CDH2: variants seen among roughly 807,000 people sequenced by gnomAD.
The protein encoded by CDH2 is cadherin-2.
In CDH2, 17 loss-of-function variants were observed where a neutral mutation model predicts 92.0. The observed-to-expected ratio is 0.18, with a 90% CI of 0.13 to 0.28. The LOEUF (loss-of-function observed/expected upper bound fraction) is 0.28. CDH2 is among the 10% of genes least tolerant of loss of function. The pLI, the probability that CDH2 is intolerant of heterozygous loss-of-function variation, is 1.00. For missense variants in CDH2, 862 were observed against 1,133.1 expected (o/e 0.76, Z 3.44); for synonymous variants, 419 against 415.9 (o/e 1.01, Z -0.09).
At chr18:28,104,160 T>C (rs2015282925) in intron 2 of CDH2, among the ~76,000 whole-genome samples, 1 of 152,222 alleles carries the variant, frequency 6.6e-6, no homozygotes, top group Non-Finnish European at 1.5e-5. Flanking sequence ...AAAACAGACT[T>C]ATGATGAAGA....
At chr18:28,003,320 T>C in intron 6 of CDH2, 151 bp from the exon 7 acceptor site, 1 of 562,136 alleles carries the variant, frequency 1.8e-6, no homozygotes, top group Admixed American at 3.4e-5. Context: ...ATGCTACTCA[T>C]AAGAACAGTA....
intron 2 of CDH2, among the ~76,000 whole-genome samples, chr18:28,130,274 T>C (rs1419710750): frequency 6.6e-6 from 1 of 152,100 alleles, no homozygotes; most frequent in African/African-American, 2.4e-5. Flanking sequence ...CAGAAACACT[T>C]CTGAGAGACT....
intron 2 of CDH2, among the ~76,000 whole-genome samples, chr18:28,044,683 T>C (rs1051459780): frequency 6.6e-6 from 1 of 152,068 alleles, no homozygotes. Context: ...ATTTTAACAG[T>C]ATGTTTGGGT....
At chr18:27,999,684 ATGTG>A (rs771361901) in intron 7 of CDH2, among the ~76,000 whole-genome samples, 2 of 149,136 alleles carry the variant, frequency 1.3e-5, no homozygotes, top group African/African-American at 5.0e-5. Flanking sequence ...ACATATATAT[ATGTG>A]TGTGTGTGTA....
intron 2 of CDH2, among the ~76,000 whole-genome samples, chr18:28,129,308 A>T (rs1598494690): frequency 6.6e-6 from 1 of 152,330 alleles, no homozygotes; most frequent in Admixed American, 6.5e-5. Context: ...TAAACTCACA[A>T]AACATAACCA....
At chr18:28,072,253 A>G (rs2144169993) in intron 2 of CDH2, among the ~76,000 whole-genome samples, 1 of 152,098 alleles carries the variant, frequency 6.6e-6, no homozygotes, top group East Asian at 1.9e-4. Context: ...ATATGCCATA[A>G]AAAGCCCTTT....
At chr18:28,017,996 G>A (rs1237250952) in intron 2 of CDH2, among the ~76,000 whole-genome samples, 2 of 152,026 alleles carry the variant, frequency 1.3e-5, no homozygotes, top group Admixed American at 1.3e-4. Flanking sequence ...CTGAAGACAT[G>A]ATTGTACCTA....
At chr18:28,007,643 T>C (rs980574090) in intron 5 of CDH2, among the ~76,000 whole-genome samples, 34 of 152,192 alleles carry the variant, frequency 2.2e-4, no homozygotes, top group African/African-American at 7.7e-4. Context: ...AAAACAATTA[T>C]ACTTATATAT....
chr18:28,172,920 T>A (rs903180998), intron 1 of CDH2, among the ~76,000 whole-genome samples: 4 of 152,246 alleles, frequency 2.6e-5, no homozygotes, highest in African/African-American at 9.6e-5. Flanking sequence ...AAAAATAGGA[T>A]TTAAAGCAAG....
At chr18:28,152,851 T>C (rs1194780605) in intron 1 of CDH2, among the ~76,000 whole-genome samples, 1 of 152,026 alleles carries the variant, frequency 6.6e-6, no homozygotes. Context: ...GGGCAGGGGC[T>C]GCAAGGAATG....
At chr18:28,042,978 A>G (rs1264714236) in intron 2 of CDH2, among the ~76,000 whole-genome samples, 4 of 152,228 alleles carry the variant, frequency 2.6e-5, no homozygotes, top group African/African-American at 9.6e-5. Context: ...TCAGTCAAGA[A>G]GAGATTTGCT....
At chr18:28,075,692 C>T (rs530361830) in intron 2 of CDH2, among the ~76,000 whole-genome samples, 2 of 152,302 alleles carry the variant, frequency 1.3e-5, no homozygotes, top group East Asian at 1.9e-4. Context: ...AGGACATTTG[C>T]TCCCAATGAG....
In CDH2 at chr18:28,177,081, C is replaced by CGGAGGA. The variant is rs914953945; in HGVS notation, c.-65_-60dup. On this transcript the variant is annotated 5_prime_UTR_variant, in exon 1 of 16. Transcript: ENST00000269141. The stretch of plus-strand genomic sequence containing the variant: ...GAGGCGGCGGCGGCGGCGGCGGCGG[C>CGGAGGA]GGAGGAGGAGGAGGCAGCGGCAGCA... 68 of 1,053,168 alleles carry CGGAGGA rather than the reference C, an allele frequency of 6.5e-5. No homozygotes were observed. The African/African-American group carries it at 9.4e-4, about 15-fold the overall frequency. 65.2% of individuals were successfully genotyped at this position (1,053,168 alleles called of 1,614,324 possible). A position where few individuals can be genotyped will look rare whatever the true frequency, so the allele number is the denominator to read the frequency against.
chr18:28,017,436 C>T (rs191623571), intron 2 of CDH2, among the ~76,000 whole-genome samples: 1 of 152,042 alleles, frequency 6.6e-6, no homozygotes, highest in African/African-American at 2.4e-5. Flanking sequence ...ATCTTTTGTA[C>T]TTCTGTGGTA....
intron 15 of CDH2, among the ~76,000 whole-genome samples, chr18:27,953,697 T>TGA (rs2143856799): frequency 6.6e-6 from 1 of 152,202 alleles, no homozygotes; most frequent in Admixed American, 6.5e-5. Flanking sequence ...GATCAGACTG[T>TGA]GAGATGACAC....
At chr18:28,176,311 G>A (rs2016540402) in intron 1 of CDH2, among the ~76,000 whole-genome samples, 1 of 152,190 alleles carries the variant, frequency 6.6e-6, no homozygotes, top group Non-Finnish European at 1.5e-5. Flanking sequence ...CTACAGGCAG[G>A]CGCTGACCGG....
At chr18:28,084,799 T>C (rs951981125) in intron 2 of CDH2, among the ~76,000 whole-genome samples, 5 of 152,156 alleles carry the variant, frequency 3.3e-5, no homozygotes, top group African/African-American at 1.2e-4. Flanking sequence ...AATTGTGCTG[T>C]GCTTCTCCTC....
In CDH2 at chr18:27,952,190, T is replaced by G; in HGVS notation, c.2684A>C (p.Lys895Thr). 6.2e-7 allele frequency: 1 copy of G among 1,613,714 alleles called. No homozygotes were observed. The highest frequency in any genetic ancestry group is 1.1e-5 in the South Asian group (1 of 91,082). The change falls in exon 16 of 16, where the codon AAG becomes ACG. Residue 895 changes from lysine to threonine, a missense_variant. Lys to Thr is a moderately conservative substitution (Grantham distance 78). This residue lies in a region of CDH2 where 114 missense variants were observed against 144.8 expected (regional missense o/e 0.79). Coordinates refer to ENST00000269141, the MANE Select transcript of CDH2 (RefSeq NM_001792.5). ...DYLNDWGPRF[K>T]KLADMYGGGD... is the part of the protein sequence containing the mutation. The stretch of plus-strand genomic sequence containing the variant: ...TCCACCATACATGTCAGCAAGTTTC[T>G]TGAACCGTGGCCCCCAGTCGTTCAG...
At chr18:28,055,756 C>A (rs548687312) in intron 2 of CDH2, among the ~76,000 whole-genome samples, 3 of 152,030 alleles carry the variant, frequency 2.0e-5, no homozygotes, top group Admixed American at 1.3e-4. Flanking sequence ...ATATATACTT[C>A]GGCATCCTGT....
Sources: allele counts gnomAD v4.1 joint callset (sites outside exome capture counted in the v4.1 genomes callset), GRCh38; gene constraint gnomAD v4.1.1; regional missense constraint gnomAD v4.1.1; transcripts MANE v1.5; gene names NCBI Gene and HGNC (gene_info 2026-07-23, HGNC 2026-07-21).